Variants in PRELID2 observed in about 807,000 individuals in gnomAD.
PRELID2 encodes PRELI domain-containing protein 2.
A neutral mutation model predicts 28.4 loss-of-function variants in PRELID2; 25 were observed. That is an observed-to-expected ratio of 0.88 (90% confidence interval 0.64 to 1.23). The LOEUF (loss-of-function observed/expected upper bound fraction) is 1.23, where lower values mean the gene tolerates loss of function less well. Ranked by LOEUF, PRELID2 falls within the 50% of genes most tolerant of loss-of-function variation. The pLI is 0.00. For missense variants in PRELID2, 201 were observed against 214.4 expected, an observed-to-expected ratio of 0.94 and a Z score of 0.39; for synonymous variants, 76 against 71.6, an observed-to-expected ratio of 1.06 and a Z score of -0.31.
intron 1 of PRELID2, among the ~76,000 whole-genome samples, chr5:145,832,965 A>G (rs1309767010): frequency 6.6e-6 from 1 of 152,000 alleles, no homozygotes; most frequent in East Asian, 1.9e-4. Flanking sequence ...ATAAGTACAC[A>G]TCATCAATTT....
chr5:145,393,034 A>G, the PRELID2 span, among the ~76,000 whole-genome samples: 1 of 152,130 alleles, frequency 6.6e-6, no homozygotes, highest in Non-Finnish European at 1.5e-5. Context: ...GAAGCACCAA[A>G]CCCAAACTTC....
intron 1 of PRELID2, among the ~76,000 whole-genome samples, chr5:145,736,607 A>C (rs1484410730): frequency 6.6e-6 from 1 of 152,140 alleles, no homozygotes; most frequent in Non-Finnish European, 1.5e-5. Flanking sequence ...GGATTTTTAA[A>C]ATTTTTCATC....
chr5:145,257,429 T>C, the PRELID2 span, among the ~76,000 whole-genome samples: 3 of 152,098 alleles, frequency 2.0e-5, no homozygotes, highest in East Asian at 3.9e-4. Context: ...TTTAAAATAA[T>C]TTATGCAAAA....
intron 1 of PRELID2, among the ~76,000 whole-genome samples, chr5:145,625,648 G>T (rs1753835262): frequency 6.6e-6 from 1 of 152,122 alleles, no homozygotes; most frequent in African/African-American, 2.4e-5. Flanking sequence ...TCTCTTGCTT[G>T]GTTAAGCAAA....
chr5:145,469,094 A>C (rs1398062483), downstream of PRELID2, among the ~76,000 whole-genome samples: 1 of 152,162 alleles, frequency 6.6e-6, no homozygotes, highest in East Asian at 1.9e-4. Flanking sequence ...AAGGTGTGGC[A>C]GCAATTGGCT....
At chr5:145,387,918 C>T in the PRELID2 span, among the ~76,000 whole-genome samples, 2 of 149,590 alleles carry the variant, frequency 1.3e-5, no homozygotes, top group Admixed American at 6.7e-5. Flanking sequence ...AGAGAAAGAC[C>T]CTGTCTCAAG....
At chr5:145,265,646 GA>G in the PRELID2 span, among the ~76,000 whole-genome samples, 4 of 152,030 alleles carry the variant, frequency 2.6e-5, no homozygotes, top group Non-Finnish European at 5.9e-5. Flanking sequence ...ACAGAACAGA[GA>G]ACCCAGAAAT....
chr5:145,408,670 GA>G, the PRELID2 span, among the ~76,000 whole-genome samples: 1 of 151,706 alleles, frequency 6.6e-6, no homozygotes, highest in Non-Finnish European at 1.5e-5. Context: ...AAAAGACAAA[GA>G]AAAAAGCAAT....
At chr5:145,503,270 G>A (rs113850298) in intron 1 of PRELID2, among the ~76,000 whole-genome samples, 4,702 of 152,178 alleles carry the variant, frequency 0.031, 119 homozygotes, top group South Asian at 0.045. Flanking sequence ...AATCCTCTGA[G>A]CAACTGTAAG....
chr5:145,829,968 AAAT>A (rs2149889109), intron 1 of PRELID2, among the ~76,000 whole-genome samples: 1 of 152,382 alleles, frequency 6.6e-6, no homozygotes, highest in East Asian at 1.9e-4. Context: ...CAGCCAAAAT[AAAT>A]AACACCCAGG....
At chr5:145,468,286 T>A (rs1323154393), downstream of PRELID2, among the ~76,000 whole-genome samples, 1 of 151,210 alleles carries the variant, frequency 6.6e-6, no homozygotes, top group East Asian at 1.9e-4. Context: ...ATGGTATATA[T>A]GTGCCACATT....
At chr5:145,399,302 T>G in the PRELID2 span, among the ~76,000 whole-genome samples, 519 of 152,214 alleles carry the variant, frequency 3.4e-3, 2 homozygotes, top group African/African-American at 0.012. Context: ...AAGCCACTCC[T>G]GGTTAAGAAG....
At chr5:145,242,756 C>T in the PRELID2 span, among the ~76,000 whole-genome samples, 1 of 152,000 alleles carries the variant, frequency 6.6e-6, no homozygotes, top group Non-Finnish European at 1.5e-5. Flanking sequence ...TCCGATAATT[C>T]CAGTGCAAAT....
At chr5:145,291,528 C>G in the PRELID2 span, among the ~76,000 whole-genome samples, 1 of 151,976 alleles carries the variant, frequency 6.6e-6, no homozygotes, top group African/African-American at 2.4e-5. Flanking sequence ...TGATTTTGAA[C>G]TGCTAGCCTC....
chr5:145,338,891 A>C, the PRELID2 span, among the ~76,000 whole-genome samples: 2 of 152,254 alleles, frequency 1.3e-5, no homozygotes, highest in African/African-American at 4.8e-5. Context: ...TATGTGAATC[A>C]AGGTGATGTA....
At chr5:145,639,738 A>G (rs1027007717) in intron 1 of PRELID2, among the ~76,000 whole-genome samples, 3 of 152,250 alleles carry the variant, frequency 2.0e-5, no homozygotes, top group Admixed American at 1.3e-4. Flanking sequence ...CACATTTTAT[A>G]AAGAATTGAA....
At chr5:145,372,226 T>A in the PRELID2 span, among the ~76,000 whole-genome samples, 1 of 152,134 alleles carries the variant, frequency 6.6e-6, no homozygotes, top group Non-Finnish European at 1.5e-5. Context: ...CAGGAGCAGG[T>A]TGTTCAATGT....
chr5:145,418,726 A>G, the PRELID2 span, among the ~76,000 whole-genome samples: 2 of 125,498 alleles, frequency 1.6e-5, no homozygotes, highest in African/African-American at 5.6e-5. Context: ...CTTATACCAT[A>G]TACAAATTTT....
chr5:145,245,931 T>C, the PRELID2 span, among the ~76,000 whole-genome samples: 1 of 152,032 alleles, frequency 6.6e-6, no homozygotes, highest in South Asian at 2.1e-4. Context: ...TTTTTAATTA[T>C]ACTGCCTTCA....
Sources: allele counts gnomAD v4.1 joint callset (sites outside exome capture counted in the v4.1 genomes callset), GRCh38; gene constraint gnomAD v4.1.1; transcripts MANE v1.5; gene names NCBI Gene and HGNC (gene_info 2026-07-23, HGNC 2026-07-21).